IFIT1B: variants seen among roughly 807,000 people sequenced by gnomAD.
The protein encoded by IFIT1B is protein IFIT1 homolog B.
Under a neutral mutation model 2.5 loss-of-function variants are expected in IFIT1B, and 3 were observed. The observed-to-expected ratio is 1.21, with a 90% confidence interval of 0.55 to 3.14. The LOEUF (loss-of-function observed/expected upper bound fraction) is 3.14. IFIT1B is among the 30% of genes most tolerant of loss of function. The probability of loss-of-function intolerance (pLI) is 0.03; values close to 1 mark genes in which losing one functional copy is unlikely to be tolerated. For synonymous variants in IFIT1B, 196 were observed against 203.0 expected (o/e 0.97, Z 0.29); for missense variants, 545 against 556.5 (o/e 0.98, Z 0.21).
In IFIT1B at chr10:89,383,744, A is replaced by G. The variant is rs1169526704; in HGVS notation, c.431A>G (p.Glu144Gly). 6.2e-7 allele frequency: 1 copy of G among 1,614,180 alleles called. No individual in the cohort carries two copies. The highest frequency in any genetic ancestry group is 2.2e-5 in the East Asian group (1 of 44,886). Residue 144 changes from glutamate to glycine, a missense_variant, in exon 2 of 2, where the codon GAG becomes GGG. By Grantham distance (98) the Glu-to-Gly change is moderately conservative (BLOSUM62 -2). Transcript: ENST00000371809. ...ATGGAGTGTCCAGAGGTGGACTGTG[A>G]GGAAGGATGGGCCTTGGCGAAGTGT... ...YRMECPEVDC[E>G]EGWALAKCGG...
chr10:89,382,680 A>G (rs1442271792), intron 1 of IFIT1B, among the ~76,000 whole-genome samples: 1 of 152,226 alleles, frequency 6.6e-6, no homozygotes, highest in East Asian at 1.9e-4. Flanking sequence ...TGTCCCCATC[A>G]GTAAGGCTGC....
Position 89,384,386 on chromosome 10 carries a change from A to G in IFIT1B, c.1073A>G (p.Lys358Arg). ...ETYAEIGHHR[K>R]AEEHFQKGLR... is the part of the protein sequence containing the mutation. The stretch of plus-strand genomic sequence containing the variant: ...TATGCAGAAATAGGCCACCACAGAA[A>G]GGCTGAGGAACATTTTCAGAAAGGG... The change falls in exon 2 of 2, where the codon AAG becomes AGG. Residue 358 changes from lysine (K) to arginine (R), a missense_variant. By Grantham distance (26) the Lys-to-Arg change is conservative. Coordinates refer to ENST00000371809, the MANE Select transcript of IFIT1B (RefSeq NM_001010987.2). The G allele has an allele frequency of 6.2e-7, 1 of 1,614,184 alleles. No individual in the cohort carries two copies. Among genetic ancestry groups the G allele is most frequent in the Non-Finnish European group, 8.5e-7 (1 of 1,180,038 alleles).
chr10:89,378,543 A>C (rs1375630474), intron 1 of IFIT1B, among the ~76,000 whole-genome samples: 1 of 152,212 alleles, frequency 6.6e-6, no homozygotes, highest in Non-Finnish European at 1.5e-5. Context: ...CCTCAAGCAG[A>C]GCACAGTGGG....
Position 89,384,294 on chromosome 10 carries a change from C to T in IFIT1B, c.981C>T (p.Cys327=). Residue 327 remains cysteine (C), a synonymous_variant, in exon 2 of 2, where the codon TGC becomes TGT. Coordinates refer to ENST00000371809, the MANE Select transcript of IFIT1B (RefSeq NM_001010987.2). ...TVDRLVQLAI[C]KFEKTIMLKR... ...ACAGATTGGTTCAATTGGCTATATG[C>T]AAATTTGAAAAGACTATAATGTTAA... is the stretch of plus-strand genomic sequence containing the variant. The T allele has an allele frequency of 6.2e-7, 1 of 1,614,122 alleles. No homozygotes were observed. Among genetic ancestry groups the T allele is most frequent in the Non-Finnish European group, 8.5e-7 (1 of 1,180,020 alleles).
intron 1 of IFIT1B, among the ~76,000 whole-genome samples, chr10:89,382,106 T>A (rs1238470236): frequency 6.6e-6 from 1 of 152,160 alleles, no homozygotes; most frequent in Non-Finnish European, 1.5e-5. Flanking sequence ...CAAAAAAGAA[T>A]GTTTCATCAT....
In IFIT1B at chr10:89,384,781, T is replaced by G. The variant is rs376730609; in HGVS notation, c.*43T>G. 8.0e-5 allele frequency: 113 copies of G among 1,413,476 alleles called. No individual in the cohort carries two copies. The highest frequency in any genetic ancestry group is 1.0e-4 in the Non-Finnish European group (105 of 1,032,932). 87.6% of individuals were successfully genotyped at this position (1,413,476 alleles called of 1,614,324 possible). ...TCCATTTAATGGTCTTATAACTAAA[T>G]AGAATGACTATGAAATTAAATAATG... On this transcript the variant is annotated 3_prime_UTR_variant, in exon 2 of 2. Coordinates refer to ENST00000371809, the MANE Select transcript of IFIT1B (RefSeq NM_001010987.2).
chr10:89,380,651 G>A (rs1033273994), intron 1 of IFIT1B, among the ~76,000 whole-genome samples: 7 of 152,032 alleles, frequency 4.6e-5, no homozygotes, highest in Non-Finnish European at 7.4e-5. Context: ...CATGCTGGTC[G>A]TGAACTCCTG....
chr10:89,383,324 A>C lies in IFIT1B; in HGVS notation c.11A>C (p.Glu4Ala), dbSNP rs754716330. The C allele has an allele frequency of 1.7e-5, 28 of 1,609,090 alleles. No individual in the cohort carries two copies. The Admixed American group carries it at 2.4e-4, about 14-fold the overall frequency. The change falls in exon 2 of 2, where the codon GAA becomes GCA. Residue 4 changes from glutamate to alanine, a missense_variant. Transcript: ENST00000371809. ...ATTGCTGCCTATTTTTACAGTGAAG[A>C]ATCTGATGGAAAGCTTATTGAAGAC... MSE[E>A]SDGKLIEDSL... is the part of the protein sequence containing the mutation.
rs777765151 is a variant in IFIT1B, at chr10:89,384,279, TC to T, written c.967del (p.Gln323AsnfsTer11). The T allele has an allele frequency of 6.2e-7, 1 of 1,614,220 alleles. No individual in the cohort carries two copies. The highest frequency in any genetic ancestry group is 8.5e-7 in the Non-Finnish European group (1 of 1,180,040). The part of the protein sequence containing the change: ...QDRETVDRLV[Q>X]LAICKFEKTI... ...ATAGGGAAACTGTGGACAGATTGGT[TC>T]AATTGGCTATATGCAAATTTGAAAA... On this transcript the variant is annotated frameshift_variant, in exon 2 of 2. Transcript: ENST00000371809. LOFTEE classifies it low-confidence loss of function (END_TRUNC).
At chr10:89,382,481 A>T (rs1452374771) in intron 1 of IFIT1B, among the ~76,000 whole-genome samples, 1 of 152,160 alleles carries the variant, frequency 6.6e-6, no homozygotes, top group East Asian at 1.9e-4. Flanking sequence ...GGTCCCACTG[A>T]CTTCATATTA....
intron 1 of IFIT1B, 48 bp from the exon 2 acceptor site, chr10:89,383,271 G>A (rs1844176723): frequency 6.7e-7 from 1 of 1,501,414 alleles, no homozygotes; most frequent in Non-Finnish European, 9.1e-7. Context: ...ATTTTCAGTG[G>A]ACTGAATACT....
At chr10:89,380,939 C>T (rs1042093248) in intron 1 of IFIT1B, among the ~76,000 whole-genome samples, 2 of 152,220 alleles carry the variant, frequency 1.3e-5, no homozygotes, top group African/African-American at 2.4e-5. Flanking sequence ...CAATAATTCT[C>T]TTCTGGAACT....
In IFIT1B at chr10:89,383,847, T is replaced by C. The variant is rs191011735; in HGVS notation, c.534T>C (p.Asn178=). The part of the protein sequence containing the change: ...LEGNPENPEF[N]TGYAITVYRL... The stretch of plus-strand genomic sequence containing the variant: ...GGAACCCTGAAAACCCTGAATTCAA[T>C]ACTGGGTACGCAATCACCGTCTATC... Residue 178 remains asparagine (N), a synonymous_variant, in exon 2 of 2, where the codon AAT becomes AAC. Coordinates refer to ENST00000371809, the MANE Select transcript of IFIT1B (RefSeq NM_001010987.2). 13 of 1,614,220 alleles carry C rather than the reference T, an allele frequency of 8.1e-6. No individual in the cohort carries two copies. The highest frequency in any genetic ancestry group is 1.6e-4 in the Middle Eastern group (1 of 6,062).
At chr10:89,378,225 G>A in intron 1 of IFIT1B, 85 bp downstream of exon 1, 1 of 1,386,750 alleles carries the variant, frequency 7.2e-7, no homozygotes, top group Non-Finnish European at 1.0e-6. Context: ...TTTTTGACAG[G>A]CCTTCTCCTA....
intron 1 of IFIT1B, 26 bp downstream of exon 1, chr10:89,378,166 C>A (rs570446295): frequency 6.2e-7 from 1 of 1,612,764 alleles, no homozygotes; most frequent in East Asian, 2.2e-5. Flanking sequence ...GCTTCACTGA[C>A]CTTATTTCTG....
In IFIT1B at chr10:89,384,316, T is replaced by A. The variant is rs772398886; in HGVS notation, c.1003T>A (p.Leu335Ile). The A allele has an allele frequency of 6.2e-7, 1 of 1,614,222 alleles. No homozygotes were observed. The highest frequency in any genetic ancestry group is 1.1e-5 in the South Asian group (1 of 91,080). The change falls in exon 2 of 2, where the codon TTA (leucine) becomes ATA (isoleucine). Residue 335 changes from leucine (L) to isoleucine (I), a missense_variant. Leu to Ile is a conservative substitution (Grantham distance 5). Coordinates refer to ENST00000371809, the MANE Select transcript of IFIT1B (RefSeq NM_001010987.2). ...ATGCAAATTTGAAAAGACTATAATG[T>A]TAAAGCGAACATTTGAGATGGCCTA... Reference protein sequence around the residue: ...AICKFEKTIMLKRTFEMAYVD... With the variant: ...AICKFEKTIMIKRTFEMAYVD...
intron 1 of IFIT1B, among the ~76,000 whole-genome samples, chr10:89,379,984 G>A (rs891959006): frequency 8.6e-5 from 13 of 151,194 alleles, no homozygotes; most frequent in Middle Eastern, 3.4e-3. Context: ...GAAGTGAGCC[G>A]AGATTGCACC....
chr10:89,380,551 G>A (rs535562889), intron 1 of IFIT1B, among the ~76,000 whole-genome samples: 53 of 151,392 alleles, frequency 3.5e-4, no homozygotes, highest in African/African-American at 1.1e-3. Flanking sequence ...ATCCTCCCAC[G>A]TCAGCCCAAG....
intron 1 of IFIT1B, among the ~76,000 whole-genome samples, chr10:89,381,405 C>A (rs1844162213): frequency 6.6e-6 from 1 of 152,130 alleles, no homozygotes; most frequent in South Asian, 2.1e-4. Flanking sequence ...GCATATGTCC[C>A]ACACACACCC....
Sources: gnomAD v4.1 joint callset for allele counts (sites outside exome capture counted in the v4.1 genomes callset) on GRCh38, gnomAD v4.1.1 for gene constraint, MANE v1.5 for transcripts, NCBI Gene and HGNC (gene_info 2026-07-23, HGNC 2026-07-21) for gene names.